The following RXRA variants were observed in gnomAD, a reference collection of about 807,000 sequenced individuals.
RXRA encodes the protein retinoid X receptor alpha, also known as retinoic acid receptor RXR-alpha.
Under a neutral mutation model 44.5 loss-of-function variants are expected in RXRA, and 5 were observed. The ratio of observed to expected loss-of-function variants is 0.11; its 90% confidence interval spans 0.06 to 0.24. The LOEUF (loss-of-function observed/expected upper bound fraction) is 0.24. Ranked by LOEUF, RXRA falls within the 10% of genes least tolerant of loss-of-function variation. The pLI is 1.00. For missense variants in RXRA, 412 were observed against 646.5 expected (o/e 0.64, Z 3.93); for synonymous variants, 291 against 271.4 (o/e 1.07, Z -0.71).
chr9:134,384,198 G>A (rs1004140119), intron 1 of RXRA, among the ~76,000 whole-genome samples: 89 of 152,088 alleles, frequency 5.9e-4, no homozygotes, highest in African/African-American at 2.0e-3. Flanking sequence ...TTGGGGGGGA[G>A]TCCTGGACCC....
chr9:134,402,034 G>A (rs1830971216), intron 2 of RXRA, 152 bp downstream of exon 2: 1 of 685,914 alleles, frequency 1.5e-6, no homozygotes, highest in African/African-American at 1.8e-5. Flanking sequence ...TCGGGGAGCA[G>A]AGTGCCGTGG....
chr9:134,369,528 G>A (rs1162208084), intron 1 of RXRA, among the ~76,000 whole-genome samples: 1 of 143,300 alleles, frequency 7.0e-6, no homozygotes, highest in Non-Finnish European at 1.5e-5. Context: ...TGTGTGGGGG[G>A]GTTATGTGTG....
chr9:134,419,578 C>T (rs1451273331), intron 5 of RXRA, among the ~76,000 whole-genome samples: 2 of 152,250 alleles, frequency 1.3e-5, no homozygotes, highest in Non-Finnish European at 2.9e-5. Flanking sequence ...GCGACCTGCC[C>T]AGCGTCACGG....
At chr9:134,326,819 G>A (rs2118999427) in intron 1 of RXRA, among the ~76,000 whole-genome samples, 160 bp downstream of exon 1, 1 of 144,208 alleles carries the variant, frequency 6.9e-6, no homozygotes, top group Admixed American at 6.8e-5. Flanking sequence ...GCCGGGCCCG[G>A]GGAGGGTCGA....
At chr9:134,429,270 G>A (rs765745111) in intron 7 of RXRA, 30 bp downstream of exon 7, 13 of 1,600,628 alleles carry the variant, frequency 8.1e-6, no homozygotes, top group East Asian at 2.2e-5. Context: ...GGGCGAGGGC[G>A]CTTCGGTCAC....
chr9:134,374,557 C>A (rs1025702454), intron 1 of RXRA, among the ~76,000 whole-genome samples: 5 of 152,208 alleles, frequency 3.3e-5, no homozygotes, highest in Non-Finnish European at 7.4e-5. Context: ...CCCCCCGCCT[C>A]CGGTCTTCCT....
At chr9:134,358,642 A>G (rs1588262611) in intron 1 of RXRA, among the ~76,000 whole-genome samples, 1 of 152,196 alleles carries the variant, frequency 6.6e-6, no homozygotes, top group Non-Finnish European at 1.5e-5. Context: ...CCAGCCCAGC[A>G]GCACTGCCCT....
chr9:134,350,481 G>A (rs556462053), intron 1 of RXRA, among the ~76,000 whole-genome samples: 10 of 152,302 alleles, frequency 6.6e-5, no homozygotes, highest in African/African-American at 1.9e-4. Context: ...GGGGCTGCCC[G>A]TGGGCGGTCA....
At chr9:134,344,736 C>A (rs1412239647) in intron 1 of RXRA, among the ~76,000 whole-genome samples, 1 of 152,218 alleles carries the variant, frequency 6.6e-6, no homozygotes, top group Non-Finnish European at 1.5e-5. Flanking sequence ...GCAGGCCCCA[C>A]CACCATACCC....
At chr9:134,390,593 G>C (rs570554273) in intron 1 of RXRA, among the ~76,000 whole-genome samples, 1 of 152,320 alleles carries the variant, frequency 6.6e-6, no homozygotes, top group South Asian at 2.1e-4. Flanking sequence ...CAGGAGGGAC[G>C]TGCTGAGGCT....
chr9:134,359,390 GC>G (rs1378108685), intron 1 of RXRA, among the ~76,000 whole-genome samples: 1 of 152,102 alleles, frequency 6.6e-6, no homozygotes, highest in African/African-American at 2.4e-5. Flanking sequence ...CTGCAGGTGT[GC>G]CCCAGCCCAC....
rs12338056 is a variant in RXRA, at chr9:134,367,118, A to G, written c.29-34514A>G. On this transcript the variant is annotated intron_variant, in intron 1 of 9. Coordinates refer to ENST00000481739, the MANE Select transcript of RXRA (RefSeq NM_002957.6). ...TCATCCACACACTTGCACAGCCACCACCACAGCCAGCTTTAGAATTTCGAA... is the reference window on the plus strand; with the variant it reads ...TCATCCACACACTTGCACAGCCACCGCCACAGCCAGCTTTAGAATTTCGAA... Among the ~76,000 whole-genome samples, 613 of 152,218 alleles carry G rather than the reference A, an allele frequency of 4.0e-3. 4 individuals carry two copies. The highest frequency in any genetic ancestry group is 0.014 in the African/African-American group (578 of 41,512).
intron 6 of RXRA, chr9:134,423,570 G>A (rs945024785): frequency 6.7e-5 from 66 of 985,274 alleles, no homozygotes; most frequent in Non-Finnish European, 7.2e-5. Context: ...GCCATACTGG[G>A]CCCCGCCGGA....
chr9:134,431,087 C>T (rs1383979236), intron 7 of RXRA, among the ~76,000 whole-genome samples: 1 of 152,230 alleles, frequency 6.6e-6, no homozygotes, highest in East Asian at 1.9e-4. Flanking sequence ...CGCCCTTGGC[C>T]CACAGGGGAG....
intron 2 of RXRA, chr9:134,403,882 C>T (rs377248718): frequency 1.6e-4 from 25 of 152,272 alleles, no homozygotes; most frequent in African/African-American, 5.5e-4. Flanking sequence ...TTGCCCCAGA[C>T]GTTCCCTGCC....
At chr9:134,424,585 T>C in intron 6 of RXRA, 4 of 985,456 alleles carry the variant, frequency 4.1e-6, no homozygotes, top group Non-Finnish European at 4.8e-6. Context: ...CTCAGTGTCC[T>C]TGTGTGTTCT....
intron 6 of RXRA, 64 bp downstream of exon 6, chr9:134,421,869 C>G: frequency 1.3e-6 from 2 of 1,587,022 alleles, no homozygotes; most frequent in South Asian, 1.1e-5. Context: ...CCAGGACACT[C>G]CCCCCTCCCG....
At chr9:134,355,582 C>T (rs181526003) in intron 1 of RXRA, among the ~76,000 whole-genome samples, 465 of 152,124 alleles carry the variant, frequency 3.1e-3, no homozygotes, top group Non-Finnish European at 3.8e-3. Flanking sequence ...AGGGGTGGGG[C>T]AGTAGAGTCC....
chr9:134,370,706 A>G (rs1830480749), intron 1 of RXRA, among the ~76,000 whole-genome samples: 1 of 150,970 alleles, frequency 6.6e-6, no homozygotes, highest in African/African-American at 2.4e-5. Context: ...GACTGGGGCC[A>G]GGGAGATCTG....
Sources: allele counts gnomAD v4.1 joint callset (sites outside exome capture counted in the v4.1 genomes callset), GRCh38; gene constraint gnomAD v4.1.1; transcripts MANE v1.5; gene names NCBI Gene and HGNC (gene_info 2026-07-23, HGNC 2026-07-21).